PTPRR: variants seen among roughly 807,000 people sequenced by gnomAD.
PTPRR encodes the protein protein tyrosine phosphatase receptor type R, also known as receptor-type tyrosine-protein phosphatase R.
A neutral mutation model predicts 77.2 loss-of-function variants in PTPRR; 38 were observed. That is an observed-to-expected ratio of 0.49 (90% CI 0.38 to 0.65). PTPRR has a LOEUF of 0.65. Ranked by LOEUF, PTPRR falls within the 30% of genes least tolerant of loss-of-function variation. The pLI is 0.00. For synonymous variants in PTPRR, 299 were observed against 283.1 expected, an observed-to-expected ratio of 1.06 and a Z score of -0.57; for missense variants, 744 against 799.2, an observed-to-expected ratio of 0.93 and a Z score of 0.83.
chr12:70,678,203 G>A (rs565000462), intron 10 of PTPRR, among the ~76,000 whole-genome samples: 1 of 152,274 alleles, frequency 6.6e-6, no homozygotes, highest in African/African-American at 2.4e-5. Flanking sequence ...ACCAAGCCCA[G>A]CTAATTTTTG....
Position 70,673,030 on chromosome 12 carries a change from G to GAAAA in PTPRR, c.1498-10426_1498-10425insTTTT. On this transcript the variant is annotated intron_variant, in intron 10 of 13. Coordinates refer to ENST00000283228, the MANE Select transcript of PTPRR (RefSeq NM_002849.4). ...TCTTCAATAAATACGTCGGGCCAAA[G>GAAAA]CAAAAAAAAAAAAAAAAAAGAAAGA... 5 of 334,016 alleles carry GAAAA rather than the reference G, an allele frequency of 1.5e-5. No homozygotes were observed. In the Admixed American group the frequency reaches 3.9e-4, roughly 26 times the overall value. 20.7% of individuals were successfully genotyped at this position (334,016 alleles called of 1,614,324 possible).
chr12:70,749,945 T>C (rs145606054), intron 5 of PTPRR, among the ~76,000 whole-genome samples: 75 of 152,348 alleles, frequency 4.9e-4, no homozygotes, highest in African/African-American at 1.7e-3. Flanking sequence ...TTTCTATTAT[T>C]TGTTCAAGTT....
chr12:70,821,376 C>T lies in PTPRR; in HGVS notation c.358-56598G>A, dbSNP rs181470825. On this transcript the variant is annotated intron_variant, in intron 2 of 13. Transcript: ENST00000283228. ...AGTAGCTGGGATTACAGGCACACAC[C>T]ACCACGCCCAGCTAATTTTTTTGTA... Among the ~76,000 whole-genome samples, 486 of 151,528 alleles carry T rather than the reference C, an allele frequency of 3.2e-3. 3 individuals carry two copies. The highest frequency in any genetic ancestry group is 0.011 in the African/African-American group (451 of 41,360).
At chr12:70,787,899 TA>T (rs1891355336) in intron 2 of PTPRR, among the ~76,000 whole-genome samples, 1 of 152,302 alleles carries the variant, frequency 6.6e-6, no homozygotes, top group African/African-American at 2.4e-5. Flanking sequence ...GGACCACAGA[TA>T]AAATTAAAAT....
In PTPRR at chr12:70,701,026, A is replaced by G. The variant is rs1046429428; in HGVS notation, c.1194+111T>C. 4 of 1,109,554 alleles carry G rather than the reference A, an allele frequency of 3.6e-6. No individual in the cohort carries two copies. The African/African-American group carries it at 6.2e-5, about 17-fold the overall frequency. The allele number at this position is 1,109,554 out of a possible 1,614,324, so 68.7% of individuals were successfully genotyped here. On this transcript the variant is annotated intron_variant, in intron 7 of 13. Transcript: ENST00000283228. Reference sequence around the variant, plus strand: ...GAATCTAAAACCATTTCACTTTGCCATTTGTTTACTGTAGACTGCTTAAGT... The same window carrying G: ...GAATCTAAAACCATTTCACTTTGCCGTTTGTTTACTGTAGACTGCTTAAGT...
At chr12:70,867,636 C>A (rs913014192) in intron 2 of PTPRR, among the ~76,000 whole-genome samples, 5 of 151,814 alleles carry the variant, frequency 3.3e-5, no homozygotes, top group Admixed American at 6.6e-5. Context: ...GATTCAATGC[C>A]ATCCCCATCA....
At chr12:70,651,677 G>A (rs776174832) in intron 13 of PTPRR, among the ~76,000 whole-genome samples, 19 of 152,122 alleles carry the variant, frequency 1.2e-4, no homozygotes, top group Non-Finnish European at 2.4e-4. Context: ...GGGCTCATTT[G>A]TTTAAAATGG....
intron 10 of PTPRR, among the ~76,000 whole-genome samples, chr12:70,681,920 T>C (rs930105550): frequency 2.0e-5 from 3 of 152,152 alleles, no homozygotes; most frequent in African/African-American, 7.2e-5. Context: ...TTCTGTGATT[T>C]CTCAGCTTTA....
chr12:70,799,314 A>G (rs1891571682), intron 2 of PTPRR, among the ~76,000 whole-genome samples: 1 of 152,216 alleles, frequency 6.6e-6, no homozygotes, highest in East Asian at 1.9e-4. Context: ...GACATACCTC[A>G]ATGTATTATT....
chr12:70,662,542 T>G lies in PTPRR; in HGVS notation c.1561A>C (p.Ser521Arg). ...IYGKVEVLVI[S>R]VNECDNYTIR... is the part of the protein sequence containing the mutation. ...GTGTAGTTATCACATTCATTTACAC[T>G]GATAACCAGAACCTCAACTTTTCCA... is the stretch of plus-strand genomic sequence containing the variant. Residue 521 changes from serine to arginine, a missense_variant, in exon 11 of 14, where the codon AGT (serine) becomes CGT (arginine). Physicochemically the swap from Ser to Arg is moderately radical, Grantham distance 110. Around this residue, in one of 3 missense-constraint regions of PTPRR, gnomAD observed 170 missense variants for 209.8 expected, o/e 0.81. Coordinates refer to ENST00000283228, the MANE Select transcript of PTPRR (RefSeq NM_002849.4). 1 of 1,612,754 alleles carries G rather than the reference T, an allele frequency of 6.2e-7. No homozygotes were observed. Among genetic ancestry groups the G allele is most frequent in the Non-Finnish European group, 8.5e-7 (1 of 1,179,100 alleles).
chr12:70,667,439 C>A (rs963268126), intron 10 of PTPRR, among the ~76,000 whole-genome samples: 1 of 152,120 alleles, frequency 6.6e-6, no homozygotes, highest in Non-Finnish European at 1.5e-5. Flanking sequence ...TTTCTAGCCA[C>A]CCTTAATTGC....
At chr12:70,644,770 T>C (rs968711810) in intron 13 of PTPRR, among the ~76,000 whole-genome samples, 2 of 152,158 alleles carry the variant, frequency 1.3e-5, no homozygotes, top group Non-Finnish European at 2.9e-5. Flanking sequence ...CAAGAGCAAA[T>C]CTGGCAGAGG....
At chr12:70,871,276 T>A (rs1389427069) in intron 2 of PTPRR, among the ~76,000 whole-genome samples, 1 of 152,182 alleles carries the variant, frequency 6.6e-6, no homozygotes, top group East Asian at 1.9e-4. Context: ...AAACTCAGCC[T>A]GAGGGATACA....
rs776933876 is a variant in PTPRR, at chr12:70,684,681, GA to G, written c.1359+22del. On this transcript the variant is annotated intron_variant, in intron 9 of 13. Transcript: ENST00000283228. ...ATTCCAAATAGGAAGTCACCAGAAA[GA>G]AATTTGTACTTATTTACTTACCCTA... 7 of 1,478,832 alleles carry G rather than the reference GA, an allele frequency of 4.7e-6. No homozygotes were observed. The African/African-American group carries it at 9.9e-5, about 21-fold the overall frequency. The allele number at this position is 1,478,832 out of a possible 1,614,324, so 91.6% of individuals were successfully genotyped here. A position where few individuals can be genotyped will look rare whatever the true frequency, so the allele number is the denominator to read the frequency against.
chr12:70,683,208 C>T (rs1887738611), intron 10 of PTPRR, among the ~76,000 whole-genome samples: 1 of 152,118 alleles, frequency 6.6e-6, no homozygotes, highest in Non-Finnish European at 1.5e-5. Flanking sequence ...TTCTTACTGT[C>T]ATGGTGAAGC....
At chr12:70,895,523 A>G (rs1893413456) in intron 1 of PTPRR, among the ~76,000 whole-genome samples, 1 of 151,510 alleles carries the variant, frequency 6.6e-6, no homozygotes, top group Non-Finnish European at 1.5e-5. Context: ...TTCCTGAGTA[A>G]TGAGTTCTAA....
intron 10 of PTPRR, among the ~76,000 whole-genome samples, chr12:70,668,817 TAAAG>T (rs1887107668): frequency 6.6e-6 from 1 of 152,156 alleles, no homozygotes; most frequent in African/African-American, 2.4e-5. Context: ...AAAATTTAAA[TAAAG>T]AAACTCTTTT....
chr12:70,837,645 C>T (rs1158462734), intron 2 of PTPRR, among the ~76,000 whole-genome samples: 1 of 152,132 alleles, frequency 6.6e-6, no homozygotes, highest in East Asian at 1.9e-4. Flanking sequence ...CATGCCCTCT[C>T]TGGGTATGCC....
intron 10 of PTPRR, among the ~76,000 whole-genome samples, chr12:70,676,958 T>G (rs1432499351): frequency 6.6e-6 from 1 of 152,006 alleles, no homozygotes; most frequent in Non-Finnish European, 1.5e-5. Flanking sequence ...TGAAGAATGT[T>G]ATTGGTATTT....
Sources: gnomAD v4.1 joint callset for allele counts (sites outside exome capture counted in the v4.1 genomes callset) on GRCh38, gnomAD v4.1.1 for gene constraint, gnomAD v4.1.1 regional missense constraint, MANE v1.5 for transcripts, NCBI Gene and HGNC (gene_info 2026-07-23, HGNC 2026-07-21) for gene names.